Variants in HOMER1 observed in about 807,000 individuals in gnomAD.
The protein encoded by HOMER1 is homer protein homolog 1.
Under a neutral mutation model 48.9 loss-of-function variants are expected in HOMER1, and 3 were observed. The observed-to-expected ratio is 0.06, with a 90% CI of 0.03 to 0.16. The LOEUF (loss-of-function observed/expected upper bound fraction) is 0.16, where lower values mean the gene tolerates loss of function less well. Ranked by LOEUF, HOMER1 falls within the 10% of genes least tolerant of loss-of-function variation. The pLI, the probability that HOMER1 is intolerant of heterozygous loss-of-function variation, is 1.00. For missense variants in HOMER1, 247 were observed against 411.4 expected (o/e 0.60, Z 3.46); for synonymous variants, 134 against 146.4 (o/e 0.92, Z 0.61).
chr5:79,488,117 A>G (rs942056679), intron 1 of HOMER1, among the ~76,000 whole-genome samples: 2 of 152,250 alleles, frequency 1.3e-5, no homozygotes, highest in Admixed American at 6.5e-5. Context: ...TGAGGCTGTA[A>G]AACTCCAGCA....
At chr5:79,493,209 C>T (rs1336018989) in intron 1 of HOMER1, among the ~76,000 whole-genome samples, 2 of 152,158 alleles carry the variant, frequency 1.3e-5, no homozygotes, top group African/African-American at 4.8e-5. Context: ...TGAGCCACCG[C>T]ACCTGGCTTG....
intron 1 of HOMER1, among the ~76,000 whole-genome samples, chr5:79,483,673 C>A (rs570520153): frequency 6.7e-6 from 1 of 150,290 alleles, no homozygotes; most frequent in South Asian, 2.1e-4. Context: ...ATGAAGAGCA[C>A]CAAAAGGGGT....
chr5:79,405,348 T>G (rs1423774353), intron 5 of HOMER1, among the ~76,000 whole-genome samples: 1 of 152,182 alleles, frequency 6.6e-6, no homozygotes, highest in African/African-American at 2.4e-5. Flanking sequence ...TTCTATAGTT[T>G]AAGCCATGCA....
chr5:79,468,033 C>T (rs568411957), intron 1 of HOMER1, among the ~76,000 whole-genome samples: 15 of 152,242 alleles, frequency 9.9e-5, no homozygotes, highest in Non-Finnish European at 1.5e-4. Flanking sequence ...TTTTCGGCCT[C>T]CTAAAGTGCT....
At chr5:79,496,797 G>C (rs1752434201) in intron 1 of HOMER1, among the ~76,000 whole-genome samples, 1 of 152,088 alleles carries the variant, frequency 6.6e-6, no homozygotes, top group African/African-American at 2.4e-5. Flanking sequence ...AGGCACGGTG[G>C]CTCATGCCTG....
intron 5 of HOMER1, among the ~76,000 whole-genome samples, chr5:79,429,585 C>T (rs548487511): frequency 5.0e-4 from 76 of 152,108 alleles, no homozygotes; most frequent in African/African-American, 1.8e-3. Flanking sequence ...ATCAATGGAC[C>T]AAAGACCTAA....
intron 5 of HOMER1, among the ~76,000 whole-genome samples, chr5:79,409,335 G>C (rs1362410359): frequency 6.7e-6 from 1 of 150,162 alleles, no homozygotes; most frequent in Non-Finnish European, 1.5e-5. Context: ...CAGAGGCTAA[G>C]ACAGGAAAAC....
chr5:79,455,835 G>A (rs374734577), intron 2 of HOMER1, among the ~76,000 whole-genome samples: 11 of 152,200 alleles, frequency 7.2e-5, no homozygotes, highest in Admixed American at 3.3e-4. Flanking sequence ...CTTTCTCTAA[G>A]TGAGTTCCAT....
intron 5 of HOMER1, among the ~76,000 whole-genome samples, chr5:79,409,106 C>T (rs147054792): frequency 2.3e-3 from 224 of 96,084 alleles, no homozygotes; most frequent in African/African-American, 0.014. Context: ...AATTGAAGAG[C>T]TCCTGGAATG....
At chr5:79,438,921 T>A in intron 5 of HOMER1, 89 bp downstream of exon 5, 9 of 995,542 alleles carry the variant, frequency 9.0e-6, no homozygotes, top group East Asian at 2.7e-5. Flanking sequence ...GAGTTTTCAC[T>A]CAAAGCTTGT....
At chr5:79,401,856 C>A in intron 6 of HOMER1, 43 bp downstream of exon 6, 2 of 1,587,676 alleles carry the variant, frequency 1.3e-6, no homozygotes, top group Non-Finnish European at 1.7e-6. Flanking sequence ...ATCAAGAAAA[C>A]CTGTTAGCCC....
chr5:79,429,338 G>A (rs1750357480), intron 5 of HOMER1, among the ~76,000 whole-genome samples: 1 of 152,150 alleles, frequency 6.6e-6, no homozygotes, highest in East Asian at 1.9e-4. Flanking sequence ...CGGCCCCACT[G>A]CACTCCAGTT....
chr5:79,406,303 T>C (rs1324475018), intron 5 of HOMER1, among the ~76,000 whole-genome samples: 1 of 152,240 alleles, frequency 6.6e-6, no homozygotes, highest in Non-Finnish European at 1.5e-5. Flanking sequence ...TACTATACGT[T>C]AATGATAAAA....
intron 1 of HOMER1, among the ~76,000 whole-genome samples, chr5:79,478,905 T>C (rs1245168149): frequency 6.6e-6 from 1 of 152,166 alleles, no homozygotes; most frequent in African/African-American, 2.4e-5. Flanking sequence ...TGAGCTGAGA[T>C]TGTGCCACTG....
Position 79,410,360 on chromosome 5 carries a change from G to A in HOMER1, c.528-8305C>T, listed in dbSNP as rs548691328. Among the ~76,000 whole-genome samples, 627 of 151,826 alleles carry A rather than the reference G, an allele frequency of 4.1e-3. 6 individuals carry two copies. The highest frequency in any genetic ancestry group is 0.014 in the African/African-American group (586 of 41,436). On this transcript the variant is annotated intron_variant, in intron 5 of 8. Transcript: ENST00000334082. ...TAGAAAATTAGCTAGGCATGGTGGC[G>A]CATGCCTGTAATCCCAGCTACTAGG...
chr5:79,482,676 G>C (rs1751978996), intron 1 of HOMER1, among the ~76,000 whole-genome samples: 2 of 152,022 alleles, frequency 1.3e-5, no homozygotes, highest in African/African-American at 4.8e-5. Flanking sequence ...TAATATGCAT[G>C]CAACTGAAGT....
At chr5:79,388,609 TTAGAA>T (rs1173735925) in intron 8 of HOMER1, among the ~76,000 whole-genome samples, 1 of 151,964 alleles carries the variant, frequency 6.6e-6, no homozygotes, top group Non-Finnish European at 1.5e-5. Flanking sequence ...ATTGAAAAAC[TTAGAA>T]TAGAAATAGG....
chr5:79,378,801 A>G (rs894279838), intron 8 of HOMER1, among the ~76,000 whole-genome samples: 1 of 151,914 alleles, frequency 6.6e-6, no homozygotes, highest in Non-Finnish European at 1.5e-5. Flanking sequence ...CAATAGTCAA[A>G]CATTTTCAAT....
intron 1 of HOMER1, among the ~76,000 whole-genome samples, chr5:79,463,883 A>G (rs534440663): frequency 3.3e-5 from 5 of 152,352 alleles, no homozygotes; most frequent in Admixed American, 6.5e-5. Flanking sequence ...ACTTTCTGCA[A>G]TAAGGATTTA....
Sources: allele counts gnomAD v4.1 joint callset (sites outside exome capture counted in the v4.1 genomes callset), GRCh38; gene constraint gnomAD v4.1.1; transcripts MANE v1.5; gene names NCBI Gene and HGNC (gene_info 2026-07-23, HGNC 2026-07-21).